The following ITPR2 variants were observed in gnomAD, a reference collection of about 807,000 sequenced individuals.
ITPR2 encodes the protein inositol 1,4,5-trisphosphate-gated calcium channel ITPR2.
Under a neutral mutation model 317.1 loss-of-function variants are expected in ITPR2, and 207 were observed. That is an observed-to-expected ratio of 0.65 (90% CI 0.58 to 0.73). The LOEUF (loss-of-function observed/expected upper bound fraction) is 0.73. Ranked by LOEUF, ITPR2 falls within the 30% of genes least tolerant of loss-of-function variation. ITPR2 has a pLI of 0.00. For synonymous variants in ITPR2, 1,156 were observed against 1,149.1 expected, an observed-to-expected ratio of 1.01 and a Z score of -0.12; for missense variants, 2,613 against 3,284.0, an observed-to-expected ratio of 0.80 and a Z score of 4.99.
At position 26,655,507 on chromosome 12, in the gene ITPR2, G is replaced by A. The variant is rs575876229; in HGVS notation, c.2589+201C>T. ...CAGGCGCCTGTAGTCCCAGCTACTC[G>A]GGAGGCTGAGGCAGGAGAATGGCGT... On this transcript the variant is annotated intron_variant, in intron 20 of 56. Transcript: ENST00000381340. Among the ~76,000 whole-genome samples, 728 of 151,680 alleles carry A rather than the reference G, an allele frequency of 4.8e-3. 4 individuals are homozygous for A. Among genetic ancestry groups the A allele is most frequent in the African/African-American group, 0.016 (656 of 41,356 alleles).
intron 2 of ITPR2, among the ~76,000 whole-genome samples, chr12:26,728,079 G>C (rs1004857834): frequency 2.0e-5 from 3 of 152,136 alleles, no homozygotes; most frequent in Admixed American, 1.3e-4. Context: ...CTAGGCTAAG[G>C]AGGATGGACT....
At chr12:26,694,399 C>A (rs1222618079) in intron 10 of ITPR2, among the ~76,000 whole-genome samples, 1 of 152,188 alleles carries the variant, frequency 6.6e-6, no homozygotes, top group African/African-American at 2.4e-5. Context: ...CTCTTCCTGA[C>A]AACATTCTCT....
chr12:26,641,309 A>G (rs974582786), intron 21 of ITPR2, among the ~76,000 whole-genome samples: 6 of 152,142 alleles, frequency 3.9e-5, no homozygotes, highest in African/African-American at 1.4e-4. Context: ...TCTTTCGTAG[A>G]TATGTACTAC....
chr12:26,782,773 A>G (rs568834650), intron 2 of ITPR2, among the ~76,000 whole-genome samples: 2 of 152,366 alleles, frequency 1.3e-5, no homozygotes, highest in East Asian at 3.9e-4. Context: ...CATGTATTAC[A>G]TGTTCAATAA....
intron 26 of ITPR2, among the ~76,000 whole-genome samples, chr12:26,609,536 G>A (rs1946216552): frequency 1.3e-5 from 2 of 152,106 alleles, no homozygotes; most frequent in African/African-American, 4.8e-5. Flanking sequence ...CCTAGGAAGT[G>A]GAGTCTGCAG....
At chr12:26,649,773 C>CTAGATAGATAGATAGA (rs71069259) in intron 21 of ITPR2, among the ~76,000 whole-genome samples, 9 of 147,386 alleles carry the variant, frequency 6.1e-5, no homozygotes, top group Non-Finnish European at 4.5e-5. Flanking sequence ...GATAGATAGA[C>CTAGATAGATAGATAGA]TAGATAGATA....
chr12:26,495,506 C>T, intron 37 of ITPR2: 2 of 395,386 alleles, frequency 5.1e-6, no homozygotes, highest in South Asian at 6.3e-5. Context: ...AGGTTTATGG[C>T]AGATATTGTG....
intron 55 of ITPR2, among the ~76,000 whole-genome samples, chr12:26,345,125 T>C (rs1478841952): frequency 1.3e-5 from 2 of 152,166 alleles, no homozygotes; most frequent in African/African-American, 4.8e-5. Flanking sequence ...TTCCTTTTCT[T>C]AATTTTTAAG....
intron 32 of ITPR2, among the ~76,000 whole-genome samples, chr12:26,581,043 T>A (rs1945391818): frequency 6.6e-6 from 1 of 152,090 alleles, no homozygotes; most frequent in Non-Finnish European, 1.5e-5. Flanking sequence ...GAAAGAAAGT[T>A]TAAATTTTCA....
chr12:26,401,516 T>G (rs931525267), intron 52 of ITPR2, among the ~76,000 whole-genome samples: 9 of 152,224 alleles, frequency 5.9e-5, no homozygotes, highest in African/African-American at 1.9e-4. Flanking sequence ...GAAACATAAT[T>G]TCTTAGCCAT....
intron 55 of ITPR2, among the ~76,000 whole-genome samples, chr12:26,385,801 C>G (rs1939648703): frequency 6.6e-6 from 1 of 152,022 alleles, no homozygotes; most frequent in Non-Finnish European, 1.5e-5. Flanking sequence ...ATTGCCACCC[C>G]ACCCCCCATC....
At chr12:26,556,561 T>TG (rs200566173) in intron 35 of ITPR2, among the ~76,000 whole-genome samples, 186 bp from the exon 36 acceptor site, 8,111 of 90,222 alleles carry the variant, frequency 0.09, 253 homozygotes, top group South Asian at 0.17. Flanking sequence ...TCTCTATTTT[T>TG]TTTTTTGTGT....
chr12:26,512,733 C>T (rs1943385180), intron 37 of ITPR2, among the ~76,000 whole-genome samples: 2 of 152,122 alleles, frequency 1.3e-5, no homozygotes, highest in South Asian at 4.1e-4. Context: ...GCATCCTTAA[C>T]CTTGGCAAAA....
intron 46 of ITPR2, among the ~76,000 whole-genome samples, chr12:26,440,340 T>A (rs1941455961): frequency 6.6e-6 from 1 of 152,218 alleles, no homozygotes; most frequent in African/African-American, 2.4e-5. Flanking sequence ...AAGGGCATGA[T>A]GCTTAGAATG....
At chr12:26,481,412 A>C (rs1942542621) in intron 42 of ITPR2, among the ~76,000 whole-genome samples, 171 bp from the exon 43 acceptor site, 1 of 152,182 alleles carries the variant, frequency 6.6e-6, no homozygotes, top group South Asian at 2.1e-4. Flanking sequence ...CAATTAATTG[A>C]TTAGTATTGA....
intron 45 of ITPR2, among the ~76,000 whole-genome samples, chr12:26,464,116 C>G (rs985580132): frequency 8.5e-5 from 13 of 152,168 alleles, no homozygotes; most frequent in African/African-American, 3.1e-4. Flanking sequence ...AGTCCCCAAC[C>G]TTTTTGGCAC....
intron 36 of ITPR2, among the ~76,000 whole-genome samples, chr12:26,551,536 C>G (rs1944525011): frequency 6.6e-6 from 1 of 152,170 alleles, no homozygotes; most frequent in South Asian, 2.1e-4. Context: ...TGCAGAGTCC[C>G]CACACATGCT....
Position 26,641,473 on chromosome 12 carries a change from G to C in ITPR2, c.2741-9414C>G, listed in dbSNP as rs1261280091. On this transcript the variant is annotated intron_variant, in intron 21 of 56. Transcript: ENST00000381340. ...TTTTTTTTTAAAGAAGAGAGAAAAA[G>C]AAAAAGAAAAGAAACCTGAATTCAA... Among the ~76,000 whole-genome samples the C allele has an allele frequency of 4.5e-5, 5 of 111,756 alleles. No individual in the cohort carries two copies. The East Asian group carries it at 9.1e-4, about 20-fold the overall frequency. 73.3% of individuals were successfully genotyped at this position (111,756 alleles called of 152,430 possible). A position where few individuals can be genotyped will look rare whatever the true frequency, so the allele number is the denominator to read the frequency against.
Position 26,472,584 on chromosome 12 carries a change from C to T in ITPR2, c.6342+2712G>A, listed in dbSNP as rs999001500. Among the ~76,000 whole-genome samples, 8 of 152,002 alleles carry T rather than the reference C, an allele frequency of 5.3e-5. No individual in the cohort carries two copies. In the East Asian group the frequency reaches 1.5e-3, roughly 29 times the overall value. Reference sequence around the variant, plus strand: ...TTCCTTTCAACAAGTTGTTTTAACGCCTTGTAACATTTTTTTTACTACTTC... The same window carrying T: ...TTCCTTTCAACAAGTTGTTTTAACGTCTTGTAACATTTTTTTTACTACTTC... On this transcript the variant is annotated intron_variant, in intron 45 of 56. Coordinates refer to ENST00000381340, the MANE Select transcript of ITPR2 (RefSeq NM_002223.4).
Sources: allele counts gnomAD v4.1 joint callset (sites outside exome capture counted in the v4.1 genomes callset), GRCh38; gene constraint gnomAD v4.1.1; transcripts MANE v1.5; gene names NCBI Gene and HGNC (gene_info 2026-07-23, HGNC 2026-07-21).